Variants in PCDHA5 observed in about 807,000 individuals in gnomAD.
The protein encoded by PCDHA5 is protocadherin alpha 5, also known as protocadherin alpha-5.
In PCDHA5, 43 loss-of-function variants were observed where a neutral mutation model predicts 61.6. That is an observed-to-expected ratio of 0.70 (90% confidence interval 0.55 to 0.90). The LOEUF (loss-of-function observed/expected upper bound fraction) is 0.90. PCDHA5 is among the 40% of genes least tolerant of loss of function. PCDHA5 has a pLI of 0.00. For synonymous variants in PCDHA5, 627 were observed against 543.9 expected, an observed-to-expected ratio of 1.15 and a Z score of -2.13; for missense variants, 1,298 against 1,222.7, an observed-to-expected ratio of 1.06 and a Z score of -0.92.
At chr5:140,996,302 CAA>C (rs2097720989) in intron 3 of PCDHA5, among the ~76,000 whole-genome samples, 1 of 152,274 alleles carries the variant, frequency 6.6e-6, no homozygotes, top group Non-Finnish European at 1.5e-5. Flanking sequence ...CAGATTGTAA[CAA>C]AGTAAGGGGG....
intron 1 of PCDHA5, chr5:140,834,164 A>G: frequency 1.8e-6 from 1 of 543,344 alleles, no homozygotes; most frequent in Non-Finnish European, 3.2e-6. Context: ...TGTAATTCTT[A>G]CTTACATGAT....
chr5:140,966,546 C>T, intron 1 of PCDHA5: 1 of 466,228 alleles, frequency 2.1e-6, no homozygotes, highest in Non-Finnish European at 3.7e-6. Context: ...GACTCGGAGG[C>T]GAGCGGAGGA....
chr5:140,835,607 G>C (rs2150239326), intron 1 of PCDHA5: 11 of 1,613,920 alleles, frequency 6.8e-6, no homozygotes, highest in South Asian at 2.2e-5. Context: ...ATTCATTGGT[G>C]CTGGACAGCG....
At chr5:140,963,594 C>G (rs549697848) in intron 1 of PCDHA5, among the ~76,000 whole-genome samples, 1 of 152,258 alleles carries the variant, frequency 6.6e-6, no homozygotes, top group South Asian at 2.1e-4. Flanking sequence ...GGATATAGTT[C>G]TAGACGTAAT....
At chr5:140,970,247 C>T (rs551216649) in intron 1 of PCDHA5, among the ~76,000 whole-genome samples, 1 of 152,290 alleles carries the variant, frequency 6.6e-6, no homozygotes, top group East Asian at 1.9e-4. Context: ...TTTCTGTTGA[C>T]AGTTTCTATG....
At chr5:140,961,876 T>G (rs929753490) in intron 1 of PCDHA5, among the ~76,000 whole-genome samples, 1 of 151,746 alleles carries the variant, frequency 6.6e-6, no homozygotes, top group South Asian at 2.1e-4. Context: ...ATAATTGACT[T>G]ACTTACATCA....
At chr5:140,832,646 A>T (rs141278447) in intron 1 of PCDHA5, among the ~76,000 whole-genome samples, 20 of 152,312 alleles carry the variant, frequency 1.3e-4, no homozygotes, top group African/African-American at 4.3e-4. Context: ...GAGGGTCTTT[A>T]AGAGTATCAC....
intron 1 of PCDHA5, among the ~76,000 whole-genome samples, chr5:140,973,778 T>C (rs910410874): frequency 3.9e-5 from 6 of 152,256 alleles, no homozygotes; most frequent in African/African-American, 1.4e-4. Context: ...ATATTATAGG[T>C]TGCCTATTGG....
intron 3 of PCDHA5, among the ~76,000 whole-genome samples, chr5:140,987,711 T>C (rs2097265419): frequency 6.6e-6 from 1 of 152,208 alleles, no homozygotes; most frequent in South Asian, 2.1e-4. Flanking sequence ...TTTCCAGGTA[T>C]GAGTCTATCC....
In PCDHA5 at chr5:140,826,188, T is replaced by C. The variant is rs2150142872; in HGVS notation, c.2352+2061T>C. ...TTTTTGTCATTCTATAAATCTAAAG[T>C]TAACAATGGTCACATTTTAAAAAAT... On this transcript the variant is annotated intron_variant, in intron 1 of 3. Coordinates refer to ENST00000529859, the MANE Select transcript of PCDHA5 (RefSeq NM_018908.3). Among the ~76,000 whole-genome samples, 10 of 152,348 alleles carry C rather than the reference T, an allele frequency of 6.6e-5. No homozygotes were observed. The East Asian group carries it at 1.9e-3, about 29-fold the overall frequency.
At chr5:140,959,935 T>C (rs2095518080) in intron 1 of PCDHA5, among the ~76,000 whole-genome samples, 2 of 152,178 alleles carry the variant, frequency 1.3e-5, no homozygotes, top group African/African-American at 4.8e-5. Context: ...CCCCATTACT[T>C]AGGCAGAATA....
chr5:140,886,972 A>G (rs2061245917), intron 1 of PCDHA5, among the ~76,000 whole-genome samples: 1 of 152,122 alleles, frequency 6.6e-6, no homozygotes, highest in South Asian at 2.1e-4. Context: ...GAAATTTATT[A>G]TTTTGTAAAT....
chr5:140,869,737 C>T (rs781857700), intron 1 of PCDHA5: 4 of 1,613,276 alleles, frequency 2.5e-6, no homozygotes, highest in Admixed American at 1.7e-5. Context: ...TAATTTGCTG[C>T]TAACAGCTAC....
intron 1 of PCDHA5, chr5:140,881,408 T>A (rs1397596000): frequency 1.1e-6 from 1 of 949,826 alleles, no homozygotes; most frequent in Non-Finnish European, 1.3e-6. Flanking sequence ...ATTAAATCAA[T>A]AGGATATTAG....
chr5:140,823,933 C>T lies in PCDHA5; in HGVS notation c.2158C>T (p.Leu720=). The T allele has an allele frequency of 1.2e-6, 2 of 1,613,958 alleles. No homozygotes were observed. The highest frequency in any genetic ancestry group is 1.7e-5 in the Admixed American group (1 of 60,012). Residue 720 remains leucine, a synonymous_variant, in exon 1 of 4, where the codon CTG becomes TTG. Coordinates refer to ENST00000529859, the MANE Select transcript of PCDHA5 (RefSeq NM_018908.3). ...LVLTLLLYTA[L]RCSAQPTEAV... is the part of the protein sequence containing the mutation. ...GCTCACGCTGCTGCTGTACACCGCGCTGCGGTGCTCGGCGCAGCCCACCGA... is the reference window on the plus strand; with the variant it reads ...GCTCACGCTGCTGCTGTACACCGCGTTGCGGTGCTCGGCGCAGCCCACCGA...
Position 140,877,583 on chromosome 5 carries a change from T to C in PCDHA5, c.2352+53456T>C. On this transcript the variant is annotated intron_variant, in intron 1 of 3. Transcript: ENST00000529859. ...ATTAACGTGTACCTCATCATCGCCA[T>C]CTGTGCGGTGTCCAGCCTGCTGGTG... 6.2e-7 allele frequency: 1 copy of C among 1,613,816 alleles called. No homozygotes were observed. Among genetic ancestry groups the C allele is most frequent in the Admixed American group, 1.7e-5 (1 of 60,032 alleles).
intron 1 of PCDHA5, among the ~76,000 whole-genome samples, chr5:140,920,671 C>T (rs1218067284): frequency 2.0e-5 from 3 of 151,960 alleles, no homozygotes; most frequent in African/African-American, 7.3e-5. Flanking sequence ...TGGTGAAACC[C>T]CATCTCTACT....
At chr5:140,953,911 AG>A (rs1554221121) in intron 1 of PCDHA5, among the ~76,000 whole-genome samples, 1 of 152,120 alleles carries the variant, frequency 6.6e-6, no homozygotes, top group South Asian at 2.1e-4. Flanking sequence ...AGCATCCATT[AG>A]GTATTCTTCC....
chr5:140,824,610 G>GTT (rs2150135229), intron 1 of PCDHA5: 11,616 of 94,826 alleles, frequency 0.12, 1,879 homozygotes, highest in Non-Finnish European at 0.13. Context: ...GCTAATTAAA[G>GTT]TTTTTTTTTT....
Sources: allele counts gnomAD v4.1 joint callset (sites outside exome capture counted in the v4.1 genomes callset), GRCh38; gene constraint gnomAD v4.1.1; transcripts MANE v1.5; gene names NCBI Gene and HGNC (gene_info 2026-07-23, HGNC 2026-07-21).